The following ADAMTSL3 variants were observed in gnomAD, a reference collection of about 807,000 sequenced individuals.
ADAMTSL3 encodes ADAMTS-like protein 3.
ADAMTSL3 carries 128 observed loss-of-function variants against 201.7 expected under a neutral mutation model. That is an observed-to-expected ratio of 0.63 (90% CI 0.55 to 0.73). ADAMTSL3 has a LOEUF of 0.73. ADAMTSL3 is among the 30% of genes least tolerant of loss of function. ADAMTSL3 has a pLI of 0.00. For missense variants in ADAMTSL3, 1,990 were observed against 2,119.6 expected (o/e 0.94, Z 1.20); for synonymous variants, 738 against 748.4 (o/e 0.99, Z 0.23).
intron 23 of ADAMTSL3, among the ~76,000 whole-genome samples, chr15:84,011,524 G>A (rs2068005885): frequency 6.6e-6 from 1 of 152,160 alleles, no homozygotes; most frequent in Non-Finnish European, 1.5e-5. Context: ...TCAAGATGTG[G>A]TGGGGAGGGA....
intron 10 of ADAMTSL3, among the ~76,000 whole-genome samples, chr15:83,889,099 T>G (rs143719846): frequency 0.011 from 1,635 of 152,354 alleles, 23 homozygotes; most frequent in African/African-American, 0.038. Flanking sequence ...CATCATTTTG[T>G]GACTTGCTTT....
At chr15:83,949,529 A>G (rs752063980) in intron 19 of ADAMTSL3, among the ~76,000 whole-genome samples, 27 of 152,074 alleles carry the variant, frequency 1.8e-4, no homozygotes, top group Admixed American at 5.2e-4. Flanking sequence ...TATACCTAGG[A>G]GTGAGATTTC....
intron 15 of ADAMTSL3, 84 bp from the exon 16 acceptor site, chr15:83,913,008 C>T (rs750813728): frequency 3.7e-5 from 53 of 1,447,668 alleles, no homozygotes; most frequent in Non-Finnish European, 4.9e-5. Flanking sequence ...TTTTTGCCTT[C>T]GTTGAATGTG....
At chr15:83,861,991 T>A (rs1240666011) in intron 8 of ADAMTSL3, 2 of 152,112 alleles carry the variant, frequency 1.3e-5, no homozygotes, top group African/African-American at 4.8e-5. Flanking sequence ...CAGTAGCCAA[T>A]TCGATCAACT....
At chr15:83,782,560 A>C (rs2063189541) in intron 4 of ADAMTSL3, among the ~76,000 whole-genome samples, 1 of 152,196 alleles carries the variant, frequency 6.6e-6, no homozygotes, top group Non-Finnish European at 1.5e-5. Context: ...AAATGAGATC[A>C]TGTCTTGTGC....
intron 6 of ADAMTSL3, among the ~76,000 whole-genome samples, chr15:83,823,968 T>TCC (rs753690471): frequency 0.015 from 1,212 of 78,480 alleles, 90 homozygotes; most frequent in East Asian, 0.036. Flanking sequence ...CTTCTTCTTC[T>TCC]TCTTCTCCTC....
At chr15:83,981,810 A>G (rs976118261) in intron 20 of ADAMTSL3, among the ~76,000 whole-genome samples, 2 of 152,216 alleles carry the variant, frequency 1.3e-5, no homozygotes, top group African/African-American at 4.8e-5. Flanking sequence ...TGGGGTACCC[A>G]TGGCTCTAAG....
At chr15:83,823,694 GTTC>G (rs1365788772) in intron 6 of ADAMTSL3, among the ~76,000 whole-genome samples, 1 of 152,134 alleles carries the variant, frequency 6.6e-6, no homozygotes, top group Non-Finnish European at 1.5e-5. Flanking sequence ...CCTCCAGTCT[GTTC>G]TTCACACAGC....
intron 17 of ADAMTSL3, among the ~76,000 whole-genome samples, chr15:83,932,048 T>G (rs1486957186): frequency 6.6e-6 from 1 of 152,140 alleles, no homozygotes; most frequent in Non-Finnish European, 1.5e-5. Context: ...AAGAAAATCT[T>G]AAAAGCTACC....
intron 23 of ADAMTSL3, among the ~76,000 whole-genome samples, chr15:84,005,578 A>G (rs942313562): frequency 1.3e-5 from 2 of 152,222 alleles, no homozygotes; most frequent in Non-Finnish European, 2.9e-5. Flanking sequence ...CTGGAGGACA[A>G]TATCCAGCAG....
At chr15:83,798,814 AAAAAAAAAAAC>A (rs2063473171) in intron 4 of ADAMTSL3, among the ~76,000 whole-genome samples, 1 of 151,172 alleles carries the variant, frequency 6.6e-6, no homozygotes, top group African/African-American at 2.4e-5. Context: ...CTCAAAAAAA[AAAAAAAAAAAC>A]AAAAAAAAAG....
chr15:83,957,052 C>T (rs1450615089), intron 19 of ADAMTSL3, among the ~76,000 whole-genome samples: 6 of 152,096 alleles, frequency 3.9e-5, no homozygotes, highest in African/African-American at 4.8e-5. Flanking sequence ...TACAGAGCTA[C>T]GTGAAAATTG....
At chr15:83,770,065 A>G (rs2062955004) in intron 3 of ADAMTSL3, among the ~76,000 whole-genome samples, 1 of 152,282 alleles carries the variant, frequency 6.6e-6, no homozygotes, top group East Asian at 1.9e-4. Context: ...AGAAACAGCA[A>G]CAACAACAAA....
At chr15:83,716,856 T>G (rs2141559083) in intron 3 of ADAMTSL3, among the ~76,000 whole-genome samples, 1 of 152,302 alleles carries the variant, frequency 6.6e-6, no homozygotes, top group South Asian at 2.1e-4. Flanking sequence ...CTTCTCTTAA[T>G]CCCTTCCCTC....
At chr15:83,702,843 G>A (rs1301289545) in intron 2 of ADAMTSL3, among the ~76,000 whole-genome samples, 2 of 152,210 alleles carry the variant, frequency 1.3e-5, no homozygotes, top group Non-Finnish European at 2.9e-5. Flanking sequence ...GCACTGCCTA[G>A]TGGAGCTGTG....
intron 3 of ADAMTSL3, among the ~76,000 whole-genome samples, chr15:83,768,204 G>T (rs907601464): frequency 1.3e-5 from 2 of 152,202 alleles, no homozygotes; most frequent in Admixed American, 6.5e-5. Flanking sequence ...AACTGCATGC[G>T]TGGAGATGCT....
At chr15:84,002,936 C>CTTTTTTTTTTTTTTTTTTTTTTTTTTTT (rs368176543) in intron 23 of ADAMTSL3, among the ~76,000 whole-genome samples, 12 of 99,984 alleles carry the variant, frequency 1.2e-4, no homozygotes, top group Non-Finnish European at 1.5e-4. Flanking sequence ...CTTTTCTTTT[C>CTTTTTTTTTTTTTTTTTTTTTTTTTTTT]TTTTTTTTTT....
intron 16 of ADAMTSL3, among the ~76,000 whole-genome samples, chr15:83,921,730 G>A (rs2066147538): frequency 6.6e-6 from 1 of 152,064 alleles, no homozygotes; most frequent in Non-Finnish European, 1.5e-5. Context: ...CTGTGCCCAG[G>A]CTGGACTGCA....
chr15:83,912,094 T>A (rs2065945220), intron 15 of ADAMTSL3, among the ~76,000 whole-genome samples: 1 of 152,222 alleles, frequency 6.6e-6, no homozygotes, highest in Admixed American at 6.5e-5. Context: ...TATCTCAAGA[T>A]ACAAAGTGTT....
Sources: allele counts gnomAD v4.1 joint callset (sites outside exome capture counted in the v4.1 genomes callset), GRCh38; gene constraint gnomAD v4.1.1; transcripts MANE v1.5; gene names NCBI Gene and HGNC (gene_info 2026-07-23, HGNC 2026-07-21).